The following SLC8A1 variants were observed in gnomAD, a reference collection of about 807,000 sequenced individuals.
SLC8A1 encodes the protein solute carrier family 8 member A1, also known as sodium/calcium exchanger 1.
A neutral mutation model predicts 68.3 loss-of-function variants in SLC8A1; 18 were observed. That is an observed-to-expected ratio of 0.26 (90% CI 0.18 to 0.39). The LOEUF (loss-of-function observed/expected upper bound fraction) is 0.39, where lower values mean the gene tolerates loss of function less well. Ranked by LOEUF, SLC8A1 falls within the 10% of genes least tolerant of loss-of-function variation. The probability of loss-of-function intolerance (pLI) is 1.00; values close to 1 mark genes in which losing one functional copy is unlikely to be tolerated. For missense variants in SLC8A1, 985 were observed against 1,156.7 expected, an observed-to-expected ratio of 0.85 and a Z score of 2.15; for synonymous variants, 475 against 415.5, an observed-to-expected ratio of 1.14 and a Z score of -1.74.
rs1672715065 is a variant in SLC8A1 at position 40,356,548 on chromosome 2, AT to A, written c.1808+71924del. On this transcript the variant is annotated intron_variant, in intron 2 of 7. Transcript: ENST00000406785. ...AGAAAAAAAAAACTGCCTTTCAAAG[AT>A]ATTGGATAATGTTAAAATGTTGGTT... Among the ~76,000 whole-genome samples, 6 of 152,110 alleles carry A rather than the reference AT, an allele frequency of 3.9e-5. No homozygotes were observed. In the South Asian group the frequency reaches 1.0e-3, roughly 26 times the overall value.
intron 2 of SLC8A1, among the ~76,000 whole-genome samples, chr2:40,415,970 G>A (rs941048031): frequency 2.7e-5 from 4 of 150,006 alleles, no homozygotes; most frequent in African/African-American, 9.8e-5. Flanking sequence ...GCTGAGGCAG[G>A]AGAATTGCTT....
chr2:40,149,345 A>T lies in SLC8A1; in HGVS notation c.2162-9669T>A, dbSNP rs753409448. ...ATAGAATTTCCATTCTGGCAAGGGG[A>T]GATAGTAATCAAAGTAAACAAATAA... On this transcript the variant is annotated intron_variant, in intron 6 of 7. Coordinates refer to ENST00000406785, the Ensembl canonical transcript of SLC8A1. Among the ~76,000 whole-genome samples the T allele has an allele frequency of 1.1e-4, 16 of 152,338 alleles. No homozygotes were observed. In the Middle Eastern group the frequency reaches 0.01, roughly 97 times the overall value.
intron 2 of SLC8A1, among the ~76,000 whole-genome samples, chr2:40,278,616 T>C (rs1359352209): frequency 6.6e-6 from 1 of 152,200 alleles, no homozygotes; most frequent in Non-Finnish European, 1.5e-5. Flanking sequence ...CAAAGCGACA[T>C]ACCTCAGTGT....
At position 40,305,854 on chromosome 2, in the gene SLC8A1, G is replaced by C. The variant is rs545459559; in HGVS notation, c.1808+122619C>G. On this transcript the variant is annotated intron_variant, in intron 2 of 7. Transcript: ENST00000406785. Reference sequence around the variant, plus strand: ...GACACTTAAAATAAATATATTTTGTGAAACAGACCGTTTGTACTGCTTTTT... The same window carrying C: ...GACACTTAAAATAAATATATTTTGTCAAACAGACCGTTTGTACTGCTTTTT... Among the ~76,000 whole-genome samples, 12 of 152,314 alleles carry C rather than the reference G, an allele frequency of 7.9e-5. No individual in the cohort carries two copies. In the South Asian group the frequency reaches 2.3e-3, roughly 29 times the overall value.
At chr2:40,432,602 GCA>G (rs1250993756) in intron 1 of SLC8A1, among the ~76,000 whole-genome samples, 2 of 151,702 alleles carry the variant, frequency 1.3e-5, no homozygotes, top group Non-Finnish European at 2.9e-5. Flanking sequence ...ATCATGCTTG[GCA>G]CAGTCTAAAA....
At chr2:40,409,079 G>T (rs529471754) in intron 2 of SLC8A1, among the ~76,000 whole-genome samples, 30 of 152,214 alleles carry the variant, frequency 2.0e-4, no homozygotes, top group Non-Finnish European at 3.4e-4. Flanking sequence ...AGACAGACCT[G>T]TAAAGTGCTG....
In SLC8A1 at chr2:40,187,105, T is replaced by C. The variant is rs1156686660; in HGVS notation, c.1809-9250A>G. 3.3e-5 allele frequency among the ~76,000 whole-genome samples: 5 copies of C among 152,098 alleles called. No homozygotes were observed. In the South Asian group the frequency reaches 6.2e-4, roughly 19 times the overall value. ...AAATATTCAATGGAGTAATAAGCAA[T>C]ACCCTCAAATCCACTCTCATATATA... On this transcript the variant is annotated intron_variant, in intron 2 of 7. Coordinates refer to ENST00000406785, the Ensembl canonical transcript of SLC8A1.
chr2:40,222,011 A>G (rs1380523440), intron 2 of SLC8A1, among the ~76,000 whole-genome samples: 4 of 152,196 alleles, frequency 2.6e-5, no homozygotes, highest in Admixed American at 2.6e-4. Flanking sequence ...CAGAATTAGA[A>G]AAAGCTACTG....
At chr2:40,366,170 G>A (rs1446706601) in intron 2 of SLC8A1, among the ~76,000 whole-genome samples, 3 of 151,964 alleles carry the variant, frequency 2.0e-5, no homozygotes, top group Non-Finnish European at 4.4e-5. Flanking sequence ...CACCTCATAA[G>A]GGCACTGTCA....
At chr2:40,218,410 T>C (rs534350911) in intron 2 of SLC8A1, among the ~76,000 whole-genome samples, 2 of 152,318 alleles carry the variant, frequency 1.3e-5, no homozygotes, top group African/African-American at 4.8e-5. Context: ...AAATTTGATA[T>C]GACCAAGTAG....
chr2:40,372,664 T>G (rs1470631970), intron 2 of SLC8A1, among the ~76,000 whole-genome samples: 1 of 152,154 alleles, frequency 6.6e-6, no homozygotes, highest in Non-Finnish European at 1.5e-5. Context: ...CAACTATTCT[T>G]GGAAATTGCA....
rs538376305 is a variant in SLC8A1 at position 40,381,266 on chromosome 2, T to A, written c.1808+47207A>T. Among the ~76,000 whole-genome samples, 4 of 152,070 alleles carry A rather than the reference T, an allele frequency of 2.6e-5. No individual in the cohort carries two copies. In the East Asian group the frequency reaches 7.8e-4, roughly 30 times the overall value. ...ACCTCTTCCAGGGAGCCTTTCCCAA[T>A]CCACTACATGCTCCACCCACCCACC... On this transcript the variant is annotated intron_variant, in intron 2 of 7. Transcript: ENST00000406785.
At position 40,234,776 on chromosome 2, in the gene SLC8A1, C is replaced by T. The variant is rs1259758686; in HGVS notation, c.1809-56921G>A. On this transcript the variant is annotated intron_variant, in intron 2 of 7. Transcript: ENST00000406785. ...CTTATTATTTTGAAATACGTCCCATCAATACCTAATTTATTGAGAGTTCTT... is the reference window on the plus strand; with the variant it reads ...CTTATTATTTTGAAATACGTCCCATTAATACCTAATTTATTGAGAGTTCTT... Among the ~76,000 whole-genome samples, 3 of 152,202 alleles carry T rather than the reference C, an allele frequency of 2.0e-5. No homozygotes were observed. In the East Asian group the frequency reaches 5.8e-4, roughly 29 times the overall value.
At chr2:40,177,037 CTTTTA>C (rs776106580) in intron 3 of SLC8A1, among the ~76,000 whole-genome samples, 3 of 69,750 alleles carry the variant, frequency 4.3e-5, no homozygotes, top group Non-Finnish European at 1.1e-4. Flanking sequence ...AAGGACACTA[CTTTTA>C]TTTTTTCTTT....
At chr2:40,456,438 T>C (rs1703029485), upstream of SLC8A1, among the ~76,000 whole-genome samples, 1 of 152,086 alleles carries the variant, frequency 6.6e-6, no homozygotes, top group East Asian at 1.9e-4. Flanking sequence ...ACTTTATCAA[T>C]GGTAACTCAA....
At chr2:40,305,800 ATAGAG>A (rs766528996) in intron 2 of SLC8A1, among the ~76,000 whole-genome samples, 1 of 152,224 alleles carries the variant, frequency 6.6e-6, no homozygotes, top group African/African-American at 2.4e-5. Context: ...GATAATGAAG[ATAGAG>A]TATAGACATT....
At chr2:40,411,531 T>A (rs908354415) in intron 2 of SLC8A1, among the ~76,000 whole-genome samples, 1 of 152,140 alleles carries the variant, frequency 6.6e-6, no homozygotes, top group African/African-American at 2.4e-5. Context: ...CCATGATTTT[T>A]TTGCTTTCTC....
intron 2 of SLC8A1, among the ~76,000 whole-genome samples, chr2:40,329,089 CACA>C (rs1451888306): frequency 6.6e-5 from 10 of 151,804 alleles, no homozygotes; most frequent in African/African-American, 2.4e-4. Flanking sequence ...CACACACACA[CACA>C]CACACACACG....
At chr2:40,443,016 A>T (rs1338719963) in intron 1 of SLC8A1, among the ~76,000 whole-genome samples, 1 of 143,918 alleles carries the variant, frequency 6.9e-6, no homozygotes. Flanking sequence ...AGAAAACCAA[A>T]CACCACACGT....
Sources: gnomAD v4.1 joint callset for allele counts (sites outside exome capture counted in the v4.1 genomes callset) on GRCh38, gnomAD v4.1.1 for gene constraint, MANE v1.5 for transcripts, NCBI Gene and HGNC (gene_info 2026-07-23, HGNC 2026-07-21) for gene names.